The following DERA variants were observed in gnomAD, a reference collection of about 807,000 sequenced individuals.
DERA encodes deoxyribose-phosphate aldolase, also known as 2-deoxy-D-ribose 5-phosphate aldolase.
A neutral mutation model predicts 41.1 loss-of-function variants in DERA; 15 were observed. That is an observed-to-expected ratio of 0.37 (90% CI 0.24 to 0.56). The LOEUF (loss-of-function observed/expected upper bound fraction) is 0.56. DERA is among the 20% of genes least tolerant of loss of function. The pLI, the probability that DERA is intolerant of heterozygous loss-of-function variation, is 0.81. For missense variants in DERA, 396 were observed against 403.4 expected (o/e 0.98, Z 0.16); for synonymous variants, 139 against 137.4 (o/e 1.01, Z -0.08).
At chr12:15,955,457 C>T (rs1948531194) in intron 1 of DERA, among the ~76,000 whole-genome samples, 1 of 152,088 alleles carries the variant, frequency 6.6e-6, no homozygotes, top group Admixed American at 6.5e-5. Context: ...ATTTCATCGG[C>T]CTGACCCCAG....
rs181524982 is a variant in DERA at position 16,010,500 on chromosome 12, C to T, written c.638-22042C>T. ...CTGCTTTCCCCTTTGCCAGCATATA[C>T]TGCTTTTGTTGAGGAATCAAGGTCT... On this transcript the variant is annotated intron_variant, in intron 6 of 8. Transcript: ENST00000428559. This position sits in a 1 kb window ranked among gnomAD's most constrained non-coding sequence, Gnocchi z 5.5. Among the ~76,000 whole-genome samples the T allele has an allele frequency of 1.0e-2, 1,509 of 151,586 alleles. 15 individuals are homozygous for T. Among genetic ancestry groups the T allele is most frequent in the Non-Finnish European group, 0.015 (1,026 of 67,954 alleles).
chr12:15,958,322 TA>T lies in DERA; in HGVS notation c.265del (p.Met89CysfsTer22), dbSNP rs770799097. The T allele has an allele frequency of 6.2e-7, 1 of 1,603,188 alleles. No individual in the cohort carries two copies. The highest frequency in any genetic ancestry group is 8.5e-7 in the Non-Finnish European group (1 of 1,175,416). ...GGGAAGATCTCTTAAAAGCTTTAAA[TA>T]TGCATGATAAAGGTAATGTTGTTGT... Reference protein sequence around the residue: ...IREDLLKALNMHDKGITTAAV... With the variant: ...IREDLLKALNXHDKGITTAAV... On this transcript the variant is annotated frameshift_variant, in exon 3 of 9. Transcript: ENST00000428559. LOFTEE classifies it high-confidence loss of function.
chr12:15,959,981 A>G lies in DERA; in HGVS notation c.373+57A>G. 3 of 1,267,376 alleles carry G rather than the reference A, an allele frequency of 2.4e-6. No individual in the cohort carries two copies. The highest frequency in any genetic ancestry group is 2.7e-5 in the South Asian group (2 of 75,084). 78.5% of individuals were successfully genotyped at this position (1,267,376 alleles called of 1,614,324 possible). On this transcript the variant is annotated intron_variant, in intron 4 of 8. Coordinates refer to ENST00000428559, the MANE Select transcript of DERA (RefSeq NM_015954.4). This position sits in a 1 kb window ranked among gnomAD's most constrained non-coding sequence, Gnocchi z 4.5. ...TTTAAACATGTTTCCAGTTCTTCAT[A>G]CAATGGGGTATTATATGTAGGTTTG...
At chr12:15,919,832 G>A (rs1036548255) in intron 1 of DERA, among the ~76,000 whole-genome samples, 7 of 152,160 alleles carry the variant, frequency 4.6e-5, no homozygotes, top group African/African-American at 1.7e-4. Context: ...TGGTGTCTTT[G>A]TTCTTTTGGA....
In DERA at chr12:16,014,227, C is replaced by A. The variant is rs1382969146; in HGVS notation, c.638-18315C>A. ...GAAATTTGCATAAGTAACGAGGAGCCAAATGTTAATCACCAAGACAGTGGG... is the reference window on the plus strand; with the variant it reads ...GAAATTTGCATAAGTAACGAGGAGCAAAATGTTAATCACCAAGACAGTGGG... On this transcript the variant is annotated intron_variant, in intron 6 of 8. Transcript: ENST00000428559. This position sits in a 1 kb window ranked among gnomAD's most constrained non-coding sequence, Gnocchi z 5.4. 6.6e-6 allele frequency among the ~76,000 whole-genome samples: 1 copy of A among 152,122 alleles called. No homozygotes were observed. The highest frequency in any genetic ancestry group is 6.5e-5 in the Admixed American group (1 of 15,278).
chr12:15,911,669 C>T lies in DERA; in HGVS notation c.31+255C>T, dbSNP rs1341935705. The stretch of plus-strand genomic sequence containing the variant: ...TAGGAAAGGGTTAGATTATTATCTT[C>T]CTGCCTTTTCGTTCACTCTAGCTCG... On this transcript the variant is annotated intron_variant, in intron 1 of 8. Coordinates refer to ENST00000428559, the MANE Select transcript of DERA (RefSeq NM_015954.4). The surrounding 1 kb of genome is among the most constrained non-coding windows in gnomAD (Gnocchi z 4.5). The T allele has an allele frequency of 1.5e-6, 1 of 685,942 alleles. No individual in the cohort carries two copies. Among genetic ancestry groups the T allele is most frequent in the South Asian group, 1.5e-5 (1 of 66,590 alleles). 42.5% of individuals were successfully genotyped at this position (685,942 alleles called of 1,614,324 possible).
Position 16,010,507 on chromosome 12 carries a change from T to A in DERA, c.638-22035T>A, listed in dbSNP as rs931138334. On this transcript the variant is annotated intron_variant, in intron 6 of 8. Coordinates refer to ENST00000428559, the MANE Select transcript of DERA (RefSeq NM_015954.4). The surrounding 1 kb of genome is among the most constrained non-coding windows in gnomAD (Gnocchi z 5.5). ...CCCCTTTGCCAGCATATACTGCTTTTGTTGAGGAATCAAGGTCTCCGGTGG... is the reference window on the plus strand; with the variant it reads ...CCCCTTTGCCAGCATATACTGCTTTAGTTGAGGAATCAAGGTCTCCGGTGG... Among the ~76,000 whole-genome samples, 1 of 151,986 alleles carries A rather than the reference T, an allele frequency of 6.6e-6. No homozygotes were observed. The highest frequency in any genetic ancestry group is 1.5e-5 in the Non-Finnish European group (1 of 68,010).
At position 16,021,462 on chromosome 12, in the gene DERA, A is replaced by T. The variant is rs1213171945; in HGVS notation, c.638-11080A>T. 6.6e-6 allele frequency among the ~76,000 whole-genome samples: 1 copy of T among 152,252 alleles called. No individual in the cohort carries two copies. Among genetic ancestry groups the T allele is most frequent in the Non-Finnish European group, 1.5e-5 (1 of 68,040 alleles). On this transcript the variant is annotated intron_variant, in intron 6 of 8. Transcript: ENST00000428559. The surrounding 1 kb of genome is among the most constrained non-coding windows in gnomAD (Gnocchi z 5.3). ...GATGTGTCAGAAAGACTGGGTACCC[A>T]GGCAGGGATTCTCTACTAAGGCAGT...
At chr12:15,951,484 G>A (rs780292103) in intron 1 of DERA, 4 of 152,168 alleles carry the variant, frequency 2.6e-5, no homozygotes, top group Non-Finnish European at 5.9e-5. Flanking sequence ...GCTGGTGCCT[G>A]GACCACAGAC....
chr12:15,923,017 C>CTTTTTTT (rs1208644862), intron 1 of DERA, among the ~76,000 whole-genome samples: 5 of 104,440 alleles, frequency 4.8e-5, no homozygotes, highest in Non-Finnish European at 5.7e-5. Context: ...TTTGTTTTTG[C>CTTTTTTT]TTTTTTTTTT....
intron 1 of DERA, 67 bp from the exon 2 acceptor site, chr12:15,956,869 T>C: frequency 9.0e-7 from 1 of 1,115,080 alleles, no homozygotes; most frequent in Non-Finnish European, 1.4e-6. Context: ...TCAAGGACCA[T>C]GTAAAAATAG....
chr12:16,013,499 C>G lies in DERA; in HGVS notation c.638-19043C>G, dbSNP rs929203837. Among the ~76,000 whole-genome samples the G allele has an allele frequency of 6.6e-6, 1 of 152,200 alleles. No homozygotes were observed. Among genetic ancestry groups the G allele is most frequent in the Non-Finnish European group, 1.5e-5 (1 of 68,036 alleles). ...TTGTGAAGAAGGTGCCTCACTACCC[C>G]TTCACCTTCTGCCATGATTGTAAGT... On this transcript the variant is annotated intron_variant, in intron 6 of 8. Coordinates refer to ENST00000428559, the MANE Select transcript of DERA (RefSeq NM_015954.4). This position sits in a 1 kb window ranked among gnomAD's most constrained non-coding sequence, Gnocchi z 5.8.
At chr12:15,945,513 A>G (rs1395023932) in intron 1 of DERA, among the ~76,000 whole-genome samples, 2 of 152,226 alleles carry the variant, frequency 1.3e-5, no homozygotes, top group South Asian at 2.1e-4. Flanking sequence ...GAGTTCACTC[A>G]TGATTTGGCT....
chr12:15,938,383 C>A lies in DERA; in HGVS notation c.32-18553C>A, dbSNP rs571135497. On this transcript the variant is annotated intron_variant, in intron 1 of 8. Transcript: ENST00000428559. The surrounding 1 kb of genome is among the most constrained non-coding windows in gnomAD (Gnocchi z 4.1). Reference sequence around the variant, plus strand: ...AGTTCCATTCAAACAGTAAAAAATTCATTCTAACACTAAAATATACTCATG... The same window carrying A: ...AGTTCCATTCAAACAGTAAAAAATTAATTCTAACACTAAAATATACTCATG... Among the ~76,000 whole-genome samples, 22 of 152,202 alleles carry A rather than the reference C, an allele frequency of 1.4e-4. No individual in the cohort carries two copies. Among genetic ancestry groups the A allele is most frequent in the African/African-American group, 4.8e-4 (20 of 41,540 alleles).
intron 7 of DERA, chr12:16,032,921 T>A (rs1287239049): frequency 8.2e-5 from 28 of 343,474 alleles, no homozygotes; most frequent in Non-Finnish European, 1.3e-4. Flanking sequence ...GAAGACAATT[T>A]TGTCACTGAC....
chr12:15,926,618 C>T (rs984711168), intron 1 of DERA, among the ~76,000 whole-genome samples: 3 of 152,012 alleles, frequency 2.0e-5, no homozygotes, highest in Non-Finnish European at 1.5e-5. Flanking sequence ...CGCCTGTAGT[C>T]CCAGCTACTC....
chr12:15,968,036 G>C (rs1948635203), intron 5 of DERA, among the ~76,000 whole-genome samples: 1 of 151,538 alleles, frequency 6.6e-6, no homozygotes, highest in African/African-American at 2.4e-5. Flanking sequence ...TTCCCCACCA[G>C]TCCCATGTCC....
At position 15,996,630 on chromosome 12, in the gene DERA, A is replaced by G. The variant is rs962125250; in HGVS notation, c.637+14194A>G. Among the ~76,000 whole-genome samples, 1 of 152,182 alleles carries G rather than the reference A, an allele frequency of 6.6e-6. No homozygotes were observed. The highest frequency in any genetic ancestry group is 2.4e-5 in the African/African-American group (1 of 41,446). Reference sequence around the variant, plus strand: ...GACATCTTCAGTGGCCCTCTTTCCAAATAAGGTCTCTTCCTGAGGTATTGA... The same window carrying G: ...GACATCTTCAGTGGCCCTCTTTCCAGATAAGGTCTCTTCCTGAGGTATTGA... On this transcript the variant is annotated intron_variant, in intron 6 of 8. Transcript: ENST00000428559. This position sits in a 1 kb window ranked among gnomAD's most constrained non-coding sequence, Gnocchi z 4.7.
chr12:16,013,552 A>C lies in DERA; in HGVS notation c.638-18990A>C, dbSNP rs1366701737. Among the ~76,000 whole-genome samples the C allele has an allele frequency of 6.6e-6, 1 of 152,200 alleles. No individual in the cohort carries two copies. Among genetic ancestry groups the C allele is most frequent in the East Asian group, 1.9e-4 (1 of 5,196 alleles). ...CCTGAGGCCTCCCCAGCCATGCTGA[A>C]CTGTGAGTCAGTTAAACTTCTTTCC... On this transcript the variant is annotated intron_variant, in intron 6 of 8. Transcript: ENST00000428559. This position sits in a 1 kb window ranked among gnomAD's most constrained non-coding sequence, Gnocchi z 5.8.
Sources: gnomAD v4.1 joint callset for allele counts (sites outside exome capture counted in the v4.1 genomes callset) on GRCh38, gnomAD v4.1.1 for gene constraint, Gnocchi (gnomAD v3.1) non-coding constraint, MANE v1.5 for transcripts, NCBI Gene and HGNC (gene_info 2026-07-23, HGNC 2026-07-21) for gene names.